PDXDC1: variants seen among roughly 807,000 people sequenced by gnomAD.
PDXDC1 encodes the protein pyridoxal dependent decarboxylase domain containing 1.
Under a neutral mutation model 100.1 loss-of-function variants are expected in PDXDC1, and 42 were observed. The observed-to-expected ratio is 0.42, with a 90% CI of 0.33 to 0.54. The LOEUF is 0.54. PDXDC1 is among the 20% of genes least tolerant of loss of function. The pLI is 0.10. For missense variants in PDXDC1, 636 were observed against 979.2 expected (o/e 0.65, Z 4.68); for synonymous variants, 260 against 371.7 (o/e 0.70, Z 3.46).
chr16:15,032,858 TAGG>T lies in PDXDC1; in HGVS notation c.1572-2_1572del. On this transcript the variant is annotated splice_acceptor_variant and coding_sequence_variant, in exon 18 of 23. Transcript: ENST00000396410. LOFTEE classifies it high-confidence loss of function. ...GAAATGCTGTGGTTTGATGTTGTTTTAGGTATGAACATGCTAATGATGATAAGA... is the reference window on the plus strand; with the variant it reads ...GAAATGCTGTGGTTTGATGTTGTTTTTATGAACATGCTAATGATGATAAGA... 1 of 1,498,124 alleles carries T rather than the reference TAGG, an allele frequency of 6.7e-7. No individual in the cohort carries two copies. Among genetic ancestry groups the T allele is most frequent in the Non-Finnish European group, 9.3e-7 (1 of 1,074,132 alleles). The allele number at this position is 1,498,124 out of a possible 1,614,324, so 92.8% of individuals were successfully genotyped here.
At chr16:15,034,246 GA>G (rs1567727500) in intron 19 of PDXDC1, 39 bp from the exon 20 acceptor site, 1 of 1,583,262 alleles carries the variant, frequency 6.3e-7, no homozygotes, top group South Asian at 1.1e-5. Flanking sequence ...CCCCAGGTGA[GA>G]ACCTTAAACA....
chr16:14,989,040 G>T (rs1597322930), intron 1 of PDXDC1: 1 of 1,614,260 alleles, frequency 6.2e-7, no homozygotes, highest in East Asian at 2.2e-5. Flanking sequence ...GAGCAGCGGG[G>T]CTGGCGAGCA....
At chr16:15,132,895 G>C (rs1187358567) in intron 16 of PDXDC1, 20 of 1,591,768 alleles carry the variant, frequency 1.3e-5, no homozygotes, top group African/African-American at 6.7e-5. Context: ...AGGCGGCACA[G>C]CAAGCTGTCA....
At position 15,132,871 on chromosome 16, in the gene PDXDC1, G is replaced by A. The variant is rs539978999; in HGVS notation, c.1400-6008G>A. On this transcript the variant is annotated intron_variant, in intron 16 of 16. Coordinates refer to the PDXDC1 transcript ENST00000535621. Reference sequence around the variant, plus strand: ...CTGCCGCCACGTCCAGGGCCCGCTCGTACTGGGGCAGGCAGGCGGCACAGC... The same window carrying A: ...CTGCCGCCACGTCCAGGGCCCGCTCATACTGGGGCAGGCAGGCGGCACAGC... 378 of 1,590,316 alleles carry A rather than the reference G, an allele frequency of 2.4e-4. 3 individuals carry two copies. The African/African-American group carries it at 4.1e-3, about 17-fold the overall frequency.
intron 1 of PDXDC1, among the ~76,000 whole-genome samples, chr16:14,981,834 C>CTT (rs60018596): frequency 1.1e-3 from 169 of 149,172 alleles, no homozygotes; most frequent in South Asian, 4.4e-3. Context: ...TCTTTTGTTT[C>CTT]TTTTTTTTTT....
chr16:15,035,962 G>A (rs1449210291), intron 22 of PDXDC1, 54 bp from the exon 23 acceptor site: 1 of 1,540,486 alleles, frequency 6.5e-7, no homozygotes, highest in East Asian at 2.3e-5. Context: ...GACAGCCTGT[G>A]TTGCAGAAGT....
At chr16:14,993,825 G>A (rs1971396735) in intron 1 of PDXDC1, among the ~76,000 whole-genome samples, 1 of 152,302 alleles carries the variant, frequency 6.6e-6, no homozygotes, top group South Asian at 2.1e-4. Context: ...ACTTTTTAAT[G>A]ATTGCCATTC....
At chr16:15,002,178 G>C (rs1217472682) in intron 4 of PDXDC1, among the ~76,000 whole-genome samples, 1 of 152,286 alleles carries the variant, frequency 6.6e-6, no homozygotes, top group Non-Finnish European at 1.5e-5. Context: ...TATTCATTAG[G>C]TATTTAGTTA....
In PDXDC1 at chr16:15,061,743, G is replaced by A. The variant is rs750032752; in HGVS notation, c.1399+31687G>A. 66 of 1,605,984 alleles carry A rather than the reference G, an allele frequency of 4.1e-5. No homozygotes were observed. In the Middle Eastern group the frequency reaches 1.0e-3, roughly 25 times the overall value. ...CACATCTCAGTCACAAATTTCTGCCGTCAGAGGGGACTGGGTTGCATGTAC... is the reference window on the plus strand; with the variant it reads ...CACATCTCAGTCACAAATTTCTGCCATCAGAGGGGACTGGGTTGCATGTAC... On this transcript the variant is annotated intron_variant, in intron 16 of 16. Transcript: ENST00000535621.
Position 15,093,151 on chromosome 16 carries a change from C to T in PDXDC1, c.1400-45728C>T, listed in dbSNP as rs778494728. Among the ~76,000 whole-genome samples the T allele has an allele frequency of 1.1e-4, 16 of 152,166 alleles. No individual in the cohort carries two copies. The South Asian group carries it at 1.2e-3, about 12-fold the overall frequency. The stretch of plus-strand genomic sequence containing the variant: ...TCCTGAGTAGCTGGGATTACAGGCA[C>T]CTGCCACCATGCCCGGCTGATTTTT... On this transcript the variant is annotated intron_variant, in intron 16 of 16. Coordinates refer to the PDXDC1 transcript ENST00000535621.
At chr16:15,034,660 C>A in intron 21 of PDXDC1, 107 bp downstream of exon 21, 1 of 826,872 alleles carries the variant, frequency 1.2e-6, no homozygotes, top group Non-Finnish European at 2.0e-6. Context: ...GGTTCCCGTT[C>A]TTCATCACTG....
intron 16 of PDXDC1, among the ~76,000 whole-genome samples, chr16:15,095,902 A>G (rs557740165): frequency 6.8e-6 from 1 of 146,222 alleles, no homozygotes; most frequent in East Asian, 2.0e-4. Flanking sequence ...GTTTATATGT[A>G]TCTCTCTCCA....
At chr16:15,128,292 C>T in intron 16 of PDXDC1, 1 of 1,610,640 alleles carries the variant, frequency 6.2e-7, no homozygotes, top group Non-Finnish European at 8.5e-7. Context: ...GGAAGATGTC[C>T]AGGCTGTTGC....
At chr16:15,115,233 AT>A (rs1165875509) in intron 16 of PDXDC1, among the ~76,000 whole-genome samples, 77 of 109,496 alleles carry the variant, frequency 7.0e-4, no homozygotes, top group African/African-American at 3.0e-3. Flanking sequence ...GTGCCCAGCC[AT>A]TTTTTTTCTT....
chr16:14,984,434 TGAGAGA>T (rs144320095), intron 1 of PDXDC1, among the ~76,000 whole-genome samples: 136 of 104,434 alleles, frequency 1.3e-3, no homozygotes, highest in Middle Eastern at 5.1e-3. Flanking sequence ...CACATAAAAG[TGAGAGA>T]GAGAGAGAGA....
chr16:15,091,262 G>A (rs2046120360), intron 16 of PDXDC1: 1 of 1,602,438 alleles, frequency 6.2e-7, no homozygotes, highest in East Asian at 2.2e-5. Context: ...AGCAAACTAT[G>A]TCTGTATACA....
chr16:15,066,420 C>G (rs896104070), intron 16 of PDXDC1, among the ~76,000 whole-genome samples: 1 of 152,016 alleles, frequency 6.6e-6, no homozygotes, highest in Non-Finnish European at 1.5e-5. Flanking sequence ...TTCACTTGAG[C>G]TCAGGAGTTT....
intron 13 of PDXDC1, chr16:15,025,349 T>C (rs1434233660): frequency 6.6e-6 from 1 of 152,434 alleles, no homozygotes; most frequent in African/African-American, 2.4e-5. Flanking sequence ...ATGGGCGGAT[T>C]ATTTTGTTGC....
chr16:15,066,461 C>T (rs2044977926), intron 16 of PDXDC1, among the ~76,000 whole-genome samples: 1 of 151,856 alleles, frequency 6.6e-6, no homozygotes, highest in African/African-American at 2.4e-5. Flanking sequence ...GATGAAACCC[C>T]ATCTCTACTA....
Sources: gnomAD v4.1 joint callset for allele counts (sites outside exome capture counted in the v4.1 genomes callset) on GRCh38, gnomAD v4.1.1 for gene constraint, MANE v1.5 for transcripts, NCBI Gene and HGNC (gene_info 2026-07-23, HGNC 2026-07-21) for gene names.